Variants in AIG1 observed in about 807,000 individuals in gnomAD.
AIG1 encodes the protein androgen induced 1.
In AIG1, 23 loss-of-function variants were observed where a neutral mutation model predicts 31.4. That is an observed-to-expected ratio of 0.73 (90% CI 0.53 to 1.04). The LOEUF (loss-of-function observed/expected upper bound fraction) is 1.04, where lower values mean the gene tolerates loss of function less well. AIG1 is among the 50% of genes least tolerant of loss of function. The pLI is 0.00. For synonymous variants in AIG1, 100 were observed against 110.5 expected (o/e 0.90, Z 0.60); for missense variants, 274 against 295.0 (o/e 0.93, Z 0.52).
chr6:143,229,368 G>A (rs987096557), intron 3 of AIG1, among the ~76,000 whole-genome samples: 14 of 152,076 alleles, frequency 9.2e-5, no homozygotes, highest in Non-Finnish European at 1.9e-4. Context: ...CCCAAATTGG[G>A]AATCCCAGCA....
downstream of AIG1, among the ~76,000 whole-genome samples, chr6:143,341,256 A>T (rs117471056): frequency 2.5e-3 from 374 of 152,302 alleles, 10 homozygotes; most frequent in East Asian, 0.058. Flanking sequence ...GCAATACCAC[A>T]TCCTTGGAAT....
chr6:143,337,252 C>T (rs1421478405), intron 5 of AIG1, among the ~76,000 whole-genome samples: 9 of 152,200 alleles, frequency 5.9e-5, no homozygotes, highest in Non-Finnish European at 1.3e-4. Flanking sequence ...TCTCAAAAAC[C>T]TTATTGGCCT....
At chr6:143,146,429 A>C (rs974254622) in intron 2 of AIG1, among the ~76,000 whole-genome samples, 5 of 152,042 alleles carry the variant, frequency 3.3e-5, no homozygotes, top group African/African-American at 1.2e-4. Context: ...TGATTTTAAA[A>C]GAAAAGAAAA....
Position 143,071,681 on chromosome 6 carries a change from C to CT in AIG1, c.141+10622dup, listed in dbSNP as rs949671945. Reference sequence around the variant, plus strand: ...CGTGGTGGTGGTGGTAGTGGTGGTTCTTTTTTTGTTGTTGTTGTTGTTGTT... The same window carrying CT: ...CGTGGTGGTGGTGGTAGTGGTGGTTCTTTTTTTTGTTGTTGTTGTTGTTGTT... On this transcript the variant is annotated intron_variant, in intron 1 of 5. Coordinates refer to ENST00000357847, the MANE Select transcript of AIG1 (RefSeq NM_016108.4). 5.9e-3 allele frequency among the ~76,000 whole-genome samples: 888 copies of CT among 150,882 alleles called. 15 individuals carry two copies. Among genetic ancestry groups the CT allele is most frequent in the African/African-American group, 0.018 (743 of 40,740 alleles).
chr6:143,108,607 G>A (rs1781017550), intron 1 of AIG1, among the ~76,000 whole-genome samples: 1 of 152,160 alleles, frequency 6.6e-6, no homozygotes, highest in African/African-American at 2.4e-5. Flanking sequence ...CTGTATGTGA[G>A]GATATTAACA....
At chr6:143,077,925 G>A (rs1777880330) in intron 1 of AIG1, among the ~76,000 whole-genome samples, 4 of 152,268 alleles carry the variant, frequency 2.6e-5, no homozygotes, top group African/African-American at 9.6e-5. Flanking sequence ...CTACTGATGA[G>A]GATCCTACTC....
At chr6:143,123,067 A>G (rs2128503159) in intron 1 of AIG1, among the ~76,000 whole-genome samples, 1 of 152,240 alleles carries the variant, frequency 6.6e-6, no homozygotes, top group South Asian at 2.1e-4. Flanking sequence ...ACAATCCTGT[A>G]ACAGGTGGAA....
intron 3 of AIG1, chr6:143,188,718 A>G: frequency 1.0e-6 from 1 of 985,398 alleles, no homozygotes; most frequent in Non-Finnish European, 1.2e-6. Context: ...ACTGTAGAAG[A>G]CTTGTGGCCA....
Position 143,284,301 on chromosome 6 carries a change from G to A in AIG1, c.515+76G>A, listed in dbSNP as rs1325807450. 2 of 1,049,582 alleles carry A rather than the reference G, an allele frequency of 1.9e-6. No individual in the cohort carries two copies. The highest frequency in any genetic ancestry group is 2.5e-5 in the East Asian group (1 of 39,404). The allele number at this position is 1,049,582 out of a possible 1,614,324, so 65.0% of individuals were successfully genotyped here. A position where few individuals can be genotyped will look rare whatever the true frequency, so the allele number is the denominator to read the frequency against. ...TAAATTTGGGCACATATTTCATTAT[G>A]GATATAATCACTAACAGATTCACGC... On this transcript the variant is annotated intron_variant, in intron 4 of 5. Coordinates refer to ENST00000357847, the MANE Select transcript of AIG1 (RefSeq NM_016108.4). This position sits in a 1 kb window ranked among gnomAD's most constrained non-coding sequence, Gnocchi z 4.4.
Position 143,238,140 on chromosome 6 carries a change from C to CAT in AIG1, c.400-45969_400-45968dup, listed in dbSNP as rs920380551. Among the ~76,000 whole-genome samples, 31 of 152,218 alleles carry CAT rather than the reference C, an allele frequency of 2.0e-4. 1 individual carries two copies. The highest frequency in any genetic ancestry group is 2.0e-3 in the Admixed American group (30 of 15,282). On this transcript the variant is annotated intron_variant, in intron 3 of 5. Coordinates refer to ENST00000357847, the MANE Select transcript of AIG1 (RefSeq NM_016108.4). ...ATTTTTAGTAGAGACGGGGTTTCAC[C>CAT]ATGTTGGCCAGGCTGGTCTCGAACT...
chr6:143,078,298 G>A (rs899357877), intron 1 of AIG1, among the ~76,000 whole-genome samples: 13 of 152,136 alleles, frequency 8.5e-5, no homozygotes, highest in Non-Finnish European at 1.5e-4. Flanking sequence ...CCTCATGGAG[G>A]ATTATTGAAG....
chr6:143,102,473 A>T (rs928559391), intron 1 of AIG1, among the ~76,000 whole-genome samples: 12 of 147,174 alleles, frequency 8.2e-5, no homozygotes, highest in Non-Finnish European at 1.3e-4. Flanking sequence ...TATATATATA[A>T]AATATAATAT....
chr6:143,165,641 A>T (rs1444514768), intron 3 of AIG1, among the ~76,000 whole-genome samples: 1 of 152,192 alleles, frequency 6.6e-6, no homozygotes, highest in African/African-American at 2.4e-5. Flanking sequence ...CAAGGCTGTG[A>T]CTTTCTTTCA....
At chr6:143,126,322 C>A (rs978033883) in intron 1 of AIG1, 1 of 152,128 alleles carries the variant, frequency 6.6e-6, no homozygotes, top group African/African-American at 2.4e-5. Flanking sequence ...ATGATGGACT[C>A]CCCTGGTTGT....
Position 143,090,726 on chromosome 6 carries a change from T to C in AIG1, c.141+29660T>C, listed in dbSNP as rs1244554152. 2.0e-5 allele frequency among the ~76,000 whole-genome samples: 3 copies of C among 152,132 alleles called. 1 individual carries two copies. Among genetic ancestry groups the C allele is most frequent in the African/African-American group, 7.2e-5 (3 of 41,412 alleles). On this transcript the variant is annotated intron_variant, in intron 1 of 5. Transcript: ENST00000357847. ...GATCATCTGAGCCCTCATTGAGTAA[T>C]TGTCTTTTACTAGTGGAGGCTCTTG...
intron 2 of AIG1, among the ~76,000 whole-genome samples, chr6:143,162,559 A>G (rs1786485743): frequency 6.6e-6 from 1 of 152,142 alleles, no homozygotes; most frequent in Non-Finnish European, 1.5e-5. Context: ...AGAGTATGAG[A>G]GAGACCTGTG....
chr6:143,197,218 C>T (rs1790316432), intron 3 of AIG1, among the ~76,000 whole-genome samples: 1 of 151,666 alleles, frequency 6.6e-6, no homozygotes, highest in South Asian at 2.1e-4. Flanking sequence ...CAAGGCTTTA[C>T]TCTTTTTCTA....
intron 1 of AIG1, among the ~76,000 whole-genome samples, chr6:143,131,381 A>G (rs1783220594): frequency 6.6e-6 from 1 of 152,216 alleles, no homozygotes; most frequent in African/African-American, 2.4e-5. Flanking sequence ...TGTGAATATG[A>G]TGAGATATAA....
At chr6:143,239,665 A>C (rs1239058470) in intron 3 of AIG1, among the ~76,000 whole-genome samples, 1 of 152,158 alleles carries the variant, frequency 6.6e-6, no homozygotes, top group Admixed American at 6.5e-5. Flanking sequence ...ACATTAAGAC[A>C]TGTGTTATTG....
Sources: gnomAD v4.1 joint callset for allele counts (sites outside exome capture counted in the v4.1 genomes callset) on GRCh38, gnomAD v4.1.1 for gene constraint, Gnocchi (gnomAD v3.1) non-coding constraint, MANE v1.5 for transcripts, NCBI Gene and HGNC (gene_info 2026-07-23, HGNC 2026-07-21) for gene names.